Variants in FAM135B observed in about 807,000 individuals in gnomAD.
FAM135B encodes the protein family with sequence similarity 135 member B.
FAM135B carries 43 observed loss-of-function variants against 127.7 expected under a neutral mutation model. That is an observed-to-expected ratio of 0.34 (90% CI 0.26 to 0.43). FAM135B has a LOEUF of 0.43. FAM135B is among the 20% of genes least tolerant of loss of function. The probability of loss-of-function intolerance (pLI) is 1.00; values close to 1 mark genes in which losing one functional copy is unlikely to be tolerated. For missense variants in FAM135B, 1,558 were observed against 1,725.6 expected (o/e 0.90, Z 1.72); for synonymous variants, 670 against 665.1 (o/e 1.01, Z -0.11).
chr8:138,243,124 A>C lies in FAM135B; in HGVS notation c.543-56T>G, dbSNP rs1013863177. ...AGGAGGTAAAGAAAGTGATGGTGCCATTAACTCAGCCCCTTTGAGGAGTGT... is the reference window on the plus strand; with the variant it reads ...AGGAGGTAAAGAAAGTGATGGTGCCCTTAACTCAGCCCCTTTGAGGAGTGT... On this transcript the variant is annotated intron_variant, in intron 6 of 19. Coordinates refer to ENST00000395297, the MANE Select transcript of FAM135B (RefSeq NM_015912.4). The surrounding 1 kb of genome is among the most constrained non-coding windows in gnomAD (Gnocchi z 7.5). 5.1e-6 allele frequency: 8 copies of C among 1,564,816 alleles called. No individual in the cohort carries two copies. Among genetic ancestry groups the C allele is most frequent in the African/African-American group, 1.4e-5 (1 of 73,490 alleles).
chr8:138,213,634 C>T (rs1459118684), intron 7 of FAM135B, among the ~76,000 whole-genome samples: 1 of 151,802 alleles, frequency 6.6e-6, no homozygotes, highest in Non-Finnish European at 1.5e-5. Context: ...AGTTTATCTC[C>T]CTTGCAAATT....
intron 13 of FAM135B, among the ~76,000 whole-genome samples, chr8:138,148,999 A>G (rs1817890893): frequency 6.9e-6 from 1 of 145,324 alleles, no homozygotes; most frequent in African/African-American, 2.6e-5. Context: ...GGGAGGGAGG[A>G]GGGATAGCAT....
chr8:138,219,089 T>A (rs923104480), intron 7 of FAM135B, among the ~76,000 whole-genome samples: 1 of 152,150 alleles, frequency 6.6e-6, no homozygotes, highest in Non-Finnish European at 1.5e-5. Flanking sequence ...ATCTGAACAC[T>A]AGTAATTTGG....
intron 1 of FAM135B, among the ~76,000 whole-genome samples, chr8:138,436,126 G>C (rs1011134288): frequency 1.4e-4 from 22 of 152,154 alleles, no homozygotes; most frequent in Admixed American, 4.6e-4. Flanking sequence ...GTGAAATACA[G>C]GGAATATGCA....
intron 1 of FAM135B, among the ~76,000 whole-genome samples, chr8:138,478,754 G>A (rs769678645): frequency 2.0e-5 from 3 of 152,178 alleles, no homozygotes; most frequent in Non-Finnish European, 4.4e-5. Flanking sequence ...TGAGTGTTGA[G>A]GAAGACATGA....
chr8:138,287,647 A>G (rs1824801091), intron 3 of FAM135B, among the ~76,000 whole-genome samples: 1 of 152,130 alleles, frequency 6.6e-6, no homozygotes, highest in Admixed American at 6.6e-5. Context: ...TCCCCCAAAC[A>G]GACCTGATTT....
chr8:138,416,465 T>G (rs1282736080), intron 1 of FAM135B, among the ~76,000 whole-genome samples: 1 of 152,154 alleles, frequency 6.6e-6, no homozygotes. Flanking sequence ...ATATGCATAA[T>G]CATATTTTAA....
At chr8:138,297,206 A>T (rs1586997186) in intron 3 of FAM135B, among the ~76,000 whole-genome samples, 2 of 152,332 alleles carry the variant, frequency 1.3e-5, no homozygotes, top group Middle Eastern at 3.4e-3. Context: ...AAAAACAGCT[A>T]AGAAATATAG....
intron 1 of FAM135B, among the ~76,000 whole-genome samples, chr8:138,368,332 C>T (rs1203689484): frequency 6.6e-6 from 1 of 152,274 alleles, no homozygotes; most frequent in South Asian, 2.1e-4. Context: ...TGGCCAAAGG[C>T]ACAAGAATCC....
At chr8:138,384,762 G>C (rs547256700) in intron 1 of FAM135B, among the ~76,000 whole-genome samples, 1 of 152,160 alleles carries the variant, frequency 6.6e-6, no homozygotes, top group South Asian at 2.1e-4. Flanking sequence ...TCCAAAATCT[G>C]TTTAGGGGCT....
chr8:138,357,958 G>T (rs555717377), intron 2 of FAM135B, among the ~76,000 whole-genome samples: 1 of 152,270 alleles, frequency 6.6e-6, no homozygotes, highest in Admixed American at 6.5e-5. Context: ...CTGCTATGAA[G>T]AAATACCCAA....
At chr8:138,203,865 G>T (rs140563551) in intron 7 of FAM135B, among the ~76,000 whole-genome samples, 5 of 152,272 alleles carry the variant, frequency 3.3e-5, no homozygotes, top group East Asian at 1.9e-4. Context: ...CCATCTGGGG[G>T]TGATGGGAGA....
chr8:138,167,756 T>A, intron 12 of FAM135B, 139 bp downstream of exon 12: 1 of 1,004,600 alleles, frequency 1.0e-6, no homozygotes, highest in Non-Finnish European at 1.4e-6. Context: ...AAACCATTAC[T>A]TTGTTTCCTC....
intron 6 of FAM135B, among the ~76,000 whole-genome samples, chr8:138,250,637 A>T (rs1311914879): frequency 2.0e-5 from 3 of 152,010 alleles, no homozygotes; most frequent in Non-Finnish European, 4.4e-5. Flanking sequence ...CAGGTTTTCG[A>T]CTTCCGGGTT....
intron 7 of FAM135B, among the ~76,000 whole-genome samples, chr8:138,225,331 G>A (rs999055647): frequency 2.0e-5 from 3 of 152,076 alleles, no homozygotes; most frequent in Non-Finnish European, 4.4e-5. Flanking sequence ...ACAACAAGAA[G>A]GTAGCCATCT....
chr8:138,296,533 T>C (rs998593421), intron 3 of FAM135B, among the ~76,000 whole-genome samples: 5 of 152,250 alleles, frequency 3.3e-5, no homozygotes, highest in African/African-American at 9.6e-5. Flanking sequence ...TTAGTTTATA[T>C]AGTCCAAATG....
chr8:138,459,750 G>A (rs1041904137), intron 1 of FAM135B, among the ~76,000 whole-genome samples: 2 of 152,194 alleles, frequency 1.3e-5, no homozygotes, highest in Admixed American at 6.5e-5. Flanking sequence ...TACTCAGAGA[G>A]CTTGGGTTTT....
Position 138,265,774 on chromosome 8 carries a change from A to G in FAM135B, c.226T>C (p.Tyr76His), listed in dbSNP as rs1215184354. The change falls in exon 4 of 20, where the codon TAC becomes CAC. Residue 76 changes from tyrosine to histidine, a missense_variant. Tyr to His is a moderately conservative substitution (Grantham distance 83, BLOSUM62 2). Around this residue, in one of 5 missense-constraint regions of FAM135B, gnomAD observed 199 missense variants for 245.7 expected, o/e 0.81. Transcript: ENST00000395297. ...TVHSRVFQIL[Y>H]RNEEVPINDA... is the part of the protein sequence containing the mutation. ...TTTATGGGTACCTCTTCATTCCGGT[A>G]TAAGATCTGAAAGACCCGGCTGTGC... The G allele has an allele frequency of 1.2e-6, 2 of 1,614,126 alleles. No individual in the cohort carries two copies. The highest frequency in any genetic ancestry group is 1.7e-6 in the Non-Finnish European group (2 of 1,179,998).
chr8:138,372,554 T>C (rs1831201591), intron 1 of FAM135B, among the ~76,000 whole-genome samples: 1 of 152,192 alleles, frequency 6.6e-6, no homozygotes, highest in Admixed American at 6.5e-5. Context: ...GAGTCATTAT[T>C]ATCTTCCTGG....
Sources: allele counts gnomAD v4.1 joint callset (sites outside exome capture counted in the v4.1 genomes callset), GRCh38; gene constraint gnomAD v4.1.1; regional missense constraint gnomAD v4.1.1; non-coding constraint Gnocchi (gnomAD v3.1); transcripts MANE v1.5; gene names NCBI Gene and HGNC (gene_info 2026-07-23, HGNC 2026-07-21).